Variants in PRDM5 observed in about 807,000 individuals in gnomAD.
PRDM5 encodes the protein PR/SET domain 5.
A neutral mutation model predicts 81.2 loss-of-function variants in PRDM5; 56 were observed. The observed-to-expected ratio is 0.69, with a 90% confidence interval of 0.56 to 0.86. The LOEUF (loss-of-function observed/expected upper bound fraction) is 0.86. Among genes scored for constraint, PRDM5 ranks in the 40% least tolerant of loss-of-function variants. The pLI is 0.00. For missense variants in PRDM5, 697 were observed against 770.1 expected, an observed-to-expected ratio of 0.91 and a Z score of 1.12; for synonymous variants, 267 against 256.4, an observed-to-expected ratio of 1.04 and a Z score of -0.39.
chr4:120,834,242 C>T (rs927470079), intron 3 of PRDM5, among the ~76,000 whole-genome samples: 6 of 152,060 alleles, frequency 3.9e-5, no homozygotes, highest in Non-Finnish European at 5.9e-5. Context: ...TTGTGTCCCC[C>T]CAAATTCATA....
chr4:120,834,512 T>C (rs1757115891), intron 3 of PRDM5, among the ~76,000 whole-genome samples: 1 of 152,156 alleles, frequency 6.6e-6, no homozygotes, highest in Non-Finnish European at 1.5e-5. Flanking sequence ...CCGTGAGGAA[T>C]AAATTTCTGT....
chr4:120,690,163 T>G (rs887454547), downstream of PRDM5, among the ~76,000 whole-genome samples: 2 of 152,180 alleles, frequency 1.3e-5, no homozygotes, highest in Non-Finnish European at 2.9e-5. Context: ...AAATAAAAAG[T>G]ATAGAGTTGG....
intron 13 of PRDM5, among the ~76,000 whole-genome samples, chr4:120,769,183 T>C (rs917153759): frequency 6.6e-6 from 1 of 152,216 alleles, no homozygotes; most frequent in Admixed American, 6.5e-5. Flanking sequence ...TTATTTTATC[T>C]ATTGAATAAG....
At chr4:120,913,615 C>T (rs779547846) in intron 1 of PRDM5, among the ~76,000 whole-genome samples, 10 of 152,306 alleles carry the variant, frequency 6.6e-5, no homozygotes, top group Non-Finnish European at 1.5e-4. Context: ...CTTTCCCCTT[C>T]ACCCTCAAAC....
At position 120,750,714 on chromosome 4, in the gene PRDM5, ACACACG is replaced by A. The variant is rs1414615155; in HGVS notation, c.1623+3833_1623+3838del. On this transcript the variant is annotated intron_variant, in intron 14 of 15. Transcript: ENST00000264808. ...CACACACACACACACACACACACAC[ACACACG>A]CGCACACAAAACAGACATTCAATCA... 3.6e-3 allele frequency among the ~76,000 whole-genome samples: 516 copies of A among 143,854 alleles called. 1 individual carries two copies. Among genetic ancestry groups the A allele is most frequent in the Middle Eastern group, 7.1e-3 (2 of 280 alleles). 94.4% of individuals were successfully genotyped at this position (143,854 alleles called of 152,430 possible).
At chr4:120,787,184 C>T (rs182725661) in intron 10 of PRDM5, among the ~76,000 whole-genome samples, 1 of 152,136 alleles carries the variant, frequency 6.6e-6, no homozygotes, top group Admixed American at 6.6e-5. Flanking sequence ...GAGAAGGTGA[C>T]CTATGAGATA....
intron 3 of PRDM5, among the ~76,000 whole-genome samples, chr4:120,843,685 TAA>T (rs375029200): frequency 5.0e-4 from 62 of 123,426 alleles, no homozygotes; most frequent in Non-Finnish European, 5.8e-4. Context: ...GATCCGGCCT[TAA>T]AAAAAAAAAA....
intron 2 of PRDM5, among the ~76,000 whole-genome samples, chr4:120,891,811 G>C (rs145448192): frequency 0.021 from 3,159 of 152,172 alleles, 38 homozygotes; most frequent in Middle Eastern, 0.034. Flanking sequence ...TGTATTTTTA[G>C]TAGACACAGG....
At chr4:120,788,361 A>G (rs1305081096) in intron 10 of PRDM5, among the ~76,000 whole-genome samples, 1 of 152,218 alleles carries the variant, frequency 6.6e-6, no homozygotes, top group Non-Finnish European at 1.5e-5. Context: ...ACATATATGC[A>G]CACAGAATGG....
intron 3 of PRDM5, among the ~76,000 whole-genome samples, chr4:120,845,169 G>A (rs1758516706): frequency 6.6e-6 from 1 of 152,186 alleles, no homozygotes; most frequent in Non-Finnish European, 1.5e-5. Context: ...TGATGGAGAA[G>A]CTGCAGCAAG....
chr4:120,773,298 A>G (rs1004699138), intron 13 of PRDM5, among the ~76,000 whole-genome samples: 1 of 152,202 alleles, frequency 6.6e-6, no homozygotes, highest in Non-Finnish European at 1.5e-5. Context: ...AGAAAAAAGG[A>G]AATGATAGGA....
intron 3 of PRDM5, among the ~76,000 whole-genome samples, chr4:120,848,219 A>C (rs2149407370): frequency 6.6e-6 from 1 of 152,342 alleles, no homozygotes; most frequent in East Asian, 1.9e-4. Context: ...AGGGATACAT[A>C]ACATAAATAA....
At chr4:120,752,871 T>A (rs13142907) in intron 14 of PRDM5, among the ~76,000 whole-genome samples, 29,540 of 152,088 alleles carry the variant, frequency 0.19, 3,165 homozygotes, top group Non-Finnish European at 0.24. Context: ...CCTAAAAGAG[T>A]ACTGGCATGT....
chr4:120,742,269 A>C (rs1272171861), intron 14 of PRDM5, among the ~76,000 whole-genome samples: 2 of 152,248 alleles, frequency 1.3e-5, no homozygotes, highest in Non-Finnish European at 2.9e-5. Flanking sequence ...CACACCAAAA[A>C]CCCATCTGTA....
intron 14 of PRDM5, among the ~76,000 whole-genome samples, chr4:120,720,301 A>G (rs1253706348): frequency 6.6e-6 from 1 of 152,194 alleles, no homozygotes; most frequent in Admixed American, 6.5e-5. Flanking sequence ...GCTCCTCACC[A>G]TGGCAGAGGC....
chr4:120,888,896 A>G (rs1191735705), intron 2 of PRDM5, among the ~76,000 whole-genome samples: 1 of 152,170 alleles, frequency 6.6e-6, no homozygotes, highest in African/African-American at 2.4e-5. Flanking sequence ...TTCTTGTATG[A>G]CATCCTTGTT....
Position 120,695,159 on chromosome 4 carries a change from G to C in PRDM5, c.1845C>G (p.Asp615Glu). The C allele has an allele frequency of 6.2e-7, 1 of 1,613,486 alleles. No individual in the cohort carries two copies. Among genetic ancestry groups the C allele is most frequent in the Non-Finnish European group, 8.5e-7 (1 of 1,179,532 alleles). Residue 615 changes from aspartate (D) to glutamate (E), a missense_variant, in exon 16 of 16, where the codon GAC becomes GAG. This residue lies in a region of PRDM5 where 34 missense variants were observed against 28.1 expected (regional missense o/e 1.21). Coordinates refer to ENST00000264808, the MANE Select transcript of PRDM5 (RefSeq NM_018699.4). ...QFCHKKFTRN[D>E]YLKVHMDNIH... ...TATTGTCCATGTGCACTTTGAGGTA[G>C]TCATTCCTTGTAAACTTCTTATGGC...
At chr4:120,774,888 C>CTATATATATATATATATATATATATA in intron 13 of PRDM5, among the ~76,000 whole-genome samples, 1 of 129,384 alleles carries the variant, frequency 7.7e-6, no homozygotes, top group Non-Finnish European at 1.6e-5. Flanking sequence ...CTCTCTCTTT[C>CTATATATATATATATATATATATATA]TATATATATA....
chr4:120,881,861 T>C (rs1469922456), intron 2 of PRDM5, among the ~76,000 whole-genome samples: 2 of 152,234 alleles, frequency 1.3e-5, no homozygotes, highest in Non-Finnish European at 2.9e-5. Context: ...CTTTTAGGCT[T>C]TTCCTCATAC....
Sources: allele counts gnomAD v4.1 joint callset (sites outside exome capture counted in the v4.1 genomes callset), GRCh38; gene constraint gnomAD v4.1.1; regional missense constraint gnomAD v4.1.1; transcripts MANE v1.5; gene names NCBI Gene and HGNC (gene_info 2026-07-23, HGNC 2026-07-21).